MLPH: variants seen among roughly 807,000 people sequenced by gnomAD.
MLPH encodes exophilin-3.
In MLPH, 51 loss-of-function variants were observed where a neutral mutation model predicts 72.1. That is an observed-to-expected ratio of 0.71 (90% CI 0.56 to 0.89). The LOEUF is 0.89. Among genes scored for constraint, MLPH ranks in the 40% least tolerant of loss-of-function variants. The pLI, the probability that MLPH is intolerant of heterozygous loss-of-function variation, is 0.00. For missense variants in MLPH, 743 were observed against 759.9 expected (o/e 0.98, Z 0.26); for synonymous variants, 301 against 310.1 (o/e 0.97, Z 0.31).
chr2:237,497,795 A>G (rs2079565472), intron 2 of MLPH, among the ~76,000 whole-genome samples: 1 of 152,250 alleles, frequency 6.6e-6, no homozygotes, highest in Non-Finnish European at 1.5e-5. Flanking sequence ...CTGCCGCCAC[A>G]GAATCCCGTT....
intron 12 of MLPH, among the ~76,000 whole-genome samples, chr2:237,545,165 G>GGGGGACAGTGGTGAGT (rs1559377282): frequency 2.3e-3 from 52 of 22,682 alleles, no homozygotes; most frequent in Non-Finnish European, 2.7e-3. Context: ...GTGGTGAGTG[G>GGGGGACAGTGGTGAGT]GGGGACAGTG....
At chr2:237,538,491 T>G (rs2080587323) in intron 9 of MLPH, among the ~76,000 whole-genome samples, 1 of 152,190 alleles carries the variant, frequency 6.6e-6, no homozygotes. Context: ...ATCTCTCGGG[T>G]AACCAGGAGC....
intron 9 of MLPH, among the ~76,000 whole-genome samples, chr2:237,536,698 T>C (rs539412794): frequency 5.3e-5 from 8 of 152,258 alleles, no homozygotes; most frequent in African/African-American, 1.9e-4. Flanking sequence ...CGGCTCTGCC[T>C]CTCAGGTGGA....
chr2:237,540,370 C>A lies in MLPH; in HGVS notation c.1127C>A (p.Thr376Lys), dbSNP rs766417327. The A allele has an allele frequency of 6.2e-7, 1 of 1,613,652 alleles. No individual in the cohort carries two copies. Among genetic ancestry groups the A allele is most frequent in the Admixed American group, 1.7e-5 (1 of 60,016 alleles). Residue 376 changes from threonine to lysine, a missense_variant, in exon 10 of 16, where the codon ACG becomes AAG. Physicochemically the swap from Thr to Lys is moderately conservative, Grantham distance 78. Coordinates refer to ENST00000264605, the MANE Select transcript of MLPH (RefSeq NM_024101.7). The stretch of plus-strand genomic sequence containing the variant: ...CAGGGTCTAGGTGCTGGAGTGCGCA[C>A]GGAGGCCGATGTAGAGGAGGAGGCC... ...LAKGLGAGVR[T>K]EADVEEEALR...
In MLPH at chr2:237,545,345, C is replaced by T. The variant is rs2080891915; in HGVS notation, c.1540-1261C>T. ...GCCTGACAGCAGGATCCTGGGCCCC[C>T]CACCTCCCTTCCCGTGAACATCCGG... On this transcript the variant is annotated intron_variant, in intron 12 of 15. Coordinates refer to ENST00000264605, the MANE Select transcript of MLPH (RefSeq NM_024101.7). 8.8e-6 allele frequency: 8 copies of T among 908,160 alleles called. No individual in the cohort carries two copies. The Admixed American group carries it at 1.2e-4, about 13-fold the overall frequency. The allele number at this position is 908,160 out of a possible 1,614,324, so 56.3% of individuals were successfully genotyped here.
intron 9 of MLPH, among the ~76,000 whole-genome samples, chr2:237,535,154 T>G (rs1318152540): frequency 6.6e-6 from 1 of 152,118 alleles, no homozygotes; most frequent in Non-Finnish European, 1.5e-5. Context: ...AGGGGTGGCA[T>G]CTGGTGAGGG....
intron 6 of MLPH, among the ~76,000 whole-genome samples, chr2:237,524,732 G>C (rs2080264780): frequency 6.6e-6 from 1 of 152,188 alleles, no homozygotes; most frequent in Admixed American, 6.5e-5. Flanking sequence ...GAGACTCACA[G>C]GCAGGCAGTG....
chr2:237,507,620 G>A (rs1482747048), intron 2 of MLPH, among the ~76,000 whole-genome samples: 2 of 152,058 alleles, frequency 1.3e-5, no homozygotes, highest in Admixed American at 1.3e-4. Flanking sequence ...TCTCACCAGC[G>A]ATCTCATCAA....
intron 6 of MLPH, among the ~76,000 whole-genome samples, chr2:237,524,245 A>G (rs1390456053): frequency 6.7e-6 from 1 of 150,274 alleles, no homozygotes; most frequent in Non-Finnish European, 1.5e-5. Context: ...TTTCCGCCCT[A>G]CAGGATCATT....
intron 8 of MLPH, among the ~76,000 whole-genome samples, chr2:237,528,595 C>A (rs2106346576): frequency 6.6e-6 from 1 of 152,236 alleles, no homozygotes; most frequent in East Asian, 1.9e-4. Flanking sequence ...AGGTGATCCC[C>A]CCACCTTGGC....
Position 237,510,906 on chromosome 2 carries a change from T to TGC in MLPH, c.333-82_333-81insCG, listed in dbSNP as rs2106292523. On this transcript the variant is annotated intron_variant, in intron 3 of 15. Transcript: ENST00000264605. The surrounding 1 kb of genome is among the most constrained non-coding windows in gnomAD (Gnocchi z 4.4). ...ACGCACACATGCACACACTCGTGTG[T>TGC]GTGTGTGTGTGTGTGTGTGAGATTT... The TGC allele has an allele frequency of 2.1e-6, 3 of 1,448,344 alleles. No homozygotes were observed. Among genetic ancestry groups the TGC allele is most frequent in the African/African-American group, 2.8e-5 (2 of 71,260 alleles). The allele number at this position is 1,448,344 out of a possible 1,614,324, so 89.7% of individuals were successfully genotyped here. A position where few individuals can be genotyped will look rare whatever the true frequency, so the allele number is the denominator to read the frequency against.
chr2:237,540,525 G>C lies in MLPH; in HGVS notation c.1282G>C (p.Asp428His). The change falls in exon 10 of 16, where the codon GAC becomes CAC. Residue 428 changes from aspartate (D) to histidine (H), a missense_variant. By Grantham distance (81) the Asp-to-His change is moderately conservative (BLOSUM62 -1). Transcript: ENST00000264605. Reference protein sequence around the residue: ...DKSVGPLPQADPEVGTAAHQT... With the variant: ...DKSVGPLPQAHPEVGTAAHQT... ...ATCAGTTGGGCCTCTCCCCCAGGCG[G>C]ACCCGGAGGTAAGACTATCCCCCAG... 1 of 1,610,940 alleles carries C rather than the reference G, an allele frequency of 6.2e-7. No homozygotes were observed. Among genetic ancestry groups the C allele is most frequent in the Non-Finnish European group, 8.5e-7 (1 of 1,179,612 alleles).
chr2:237,537,463 A>G (rs548722226), intron 9 of MLPH: 1 of 152,366 alleles, frequency 6.6e-6, no homozygotes, highest in East Asian at 1.9e-4. Flanking sequence ...CTCTGGGACG[A>G]AGTTCAGCTC....
chr2:237,538,927 G>A (rs2106371773), intron 9 of MLPH, among the ~76,000 whole-genome samples: 1 of 152,370 alleles, frequency 6.6e-6, no homozygotes, highest in African/African-American at 2.4e-5. Context: ...TGCCCAAAGA[G>A]CTGGCAGAGG....
chr2:237,545,465 T>C, intron 12 of MLPH: 1 of 1,288,520 alleles, frequency 7.8e-7, no homozygotes, highest in Non-Finnish European at 1.0e-6. Context: ...AGGCTCTTTA[T>C]GAGGGGACTC....
intron 6 of MLPH, among the ~76,000 whole-genome samples, chr2:237,523,754 G>T (rs571223047): frequency 1.3e-5 from 2 of 152,258 alleles, no homozygotes; most frequent in South Asian, 4.1e-4. Flanking sequence ...AGTATATTAA[G>T]TCCTATAAGC....
At chr2:237,539,329 C>T (rs956088960) in intron 9 of MLPH, among the ~76,000 whole-genome samples, 1 of 152,184 alleles carries the variant, frequency 6.6e-6, no homozygotes, top group Non-Finnish European at 1.5e-5. Flanking sequence ...CTCGCGTAGG[C>T]AGAGCCAACA....
At chr2:237,500,933 A>G (rs2079633663) in intron 2 of MLPH, among the ~76,000 whole-genome samples, 1 of 151,252 alleles carries the variant, frequency 6.6e-6, no homozygotes, top group Non-Finnish European at 1.5e-5. Flanking sequence ...CTCCACCCTC[A>G]CCGTCTTGTT....
chr2:237,553,661 T>G lies in MLPH; in HGVS notation c.*69T>G, dbSNP rs747825843. 6.2e-7 allele frequency: 1 copy of G among 1,602,912 alleles called. No individual in the cohort carries two copies. ...TCCACCACAGCCATCCTGTCCCTCA[T>G]TGGCTCTGTGCTTTCCACTATACAC... On this transcript the variant is annotated 3_prime_UTR_variant, in exon 16 of 16. Transcript: ENST00000264605.
Sources: allele counts gnomAD v4.1 joint callset (sites outside exome capture counted in the v4.1 genomes callset), GRCh38; gene constraint gnomAD v4.1.1; non-coding constraint Gnocchi (gnomAD v3.1); transcripts MANE v1.5; gene names NCBI Gene and HGNC (gene_info 2026-07-23, HGNC 2026-07-21).